The following AKNAD1 variants were observed in gnomAD, a reference collection of about 807,000 sequenced individuals.
AKNAD1 encodes protein AKNAD1.
In AKNAD1, 67 loss-of-function variants were observed where a neutral mutation model predicts 90.8. The observed-to-expected ratio is 0.74, with a 90% CI of 0.61 to 0.90. The LOEUF (loss-of-function observed/expected upper bound fraction) is 0.90. Among genes scored for constraint, AKNAD1 ranks in the 40% least tolerant of loss-of-function variants. The pLI, the probability that AKNAD1 is intolerant of heterozygous loss-of-function variation, is 0.00. For synonymous variants in AKNAD1, 327 were observed against 341.4 expected (o/e 0.96, Z 0.46); for missense variants, 957 against 975.4 (o/e 0.98, Z 0.25).
At chr1:108,847,389 A>C (rs1242314377) in intron 5 of AKNAD1, among the ~76,000 whole-genome samples, 3 of 151,140 alleles carry the variant, frequency 2.0e-5, no homozygotes, top group Non-Finnish European at 4.4e-5. Flanking sequence ...TGGAAGTTGC[A>C]GTGAGCTGAG....
At position 108,817,123 on chromosome 1, in the gene AKNAD1, G is replaced by T; in HGVS notation, c.2304C>A (p.Pro768=). Reference sequence around the variant, plus strand: ...CAGAAATCCTGCAGGAGTAGAAATGGGGTGAGGGTGTTGCAGGGTCTGAGC... The same window carrying T: ...CAGAAATCCTGCAGGAGTAGAAATGTGGTGAGGGTGTTGCAGGGTCTGAGC... ...TYSSDPATPS[P]HFYSCRISGS... Residue 768 remains proline, a synonymous_variant, in exon 15 of 16, where the codon CCC becomes CCA. Coordinates refer to ENST00000370001, the MANE Select transcript of AKNAD1 (RefSeq NM_152763.5). The T allele has an allele frequency of 1.9e-6, 3 of 1,614,130 alleles. No individual in the cohort carries two copies. The highest frequency in any genetic ancestry group is 2.5e-6 in the Non-Finnish European group (3 of 1,179,996).
At chr1:108,827,813 C>CAAAAAAAAAAAAA (rs11369356) in intron 10 of AKNAD1, among the ~76,000 whole-genome samples, 1 of 115,128 alleles carries the variant, frequency 8.7e-6, no homozygotes, top group African/African-American at 3.2e-5. Flanking sequence ...GACTCCTACT[C>CAAAAAAAAAAAAA]AAAAAAAAAA....
rs113299899 is a variant in AKNAD1, at chr1:108,816,275, G to C, written c.2407C>G (p.Leu803Val). 2.4e-4 allele frequency: 385 copies of C among 1,613,266 alleles called. 1 individual carries two copies. In the African/African-American group the frequency reaches 4.0e-3, roughly 17 times the overall value. The stretch of plus-strand genomic sequence containing the variant: ...TCTTTCAAAATGGTTGCTGTCCTTA[G>C]GGCATGATCCAAAGCCGAGTTTAAA... The part of the protein sequence containing the change: ...EILNSALDHA[L>V]RTATILKETT... Residue 803 changes from leucine to valine, a missense_variant, in exon 16 of 16, where the codon CTA becomes GTA. Coordinates refer to ENST00000370001, the MANE Select transcript of AKNAD1 (RefSeq NM_152763.5).
chr1:108,825,617 T>C (rs551060293), intron 11 of AKNAD1, among the ~76,000 whole-genome samples: 5 of 151,674 alleles, frequency 3.3e-5, no homozygotes, highest in South Asian at 2.1e-4. Flanking sequence ...TCCCCCCTCA[T>C]TGGAGAACAG....
intron 5 of AKNAD1, 141 bp downstream of exon 5, chr1:108,848,611 C>T: frequency 1.4e-6 from 1 of 726,238 alleles, no homozygotes; most frequent in Non-Finnish European, 2.2e-6. Context: ...TTTTAGCCCC[C>T]ATAAACAAAG....
intron 1 of AKNAD1, among the ~76,000 whole-genome samples, chr1:108,853,110 T>C (rs1490684726): frequency 6.6e-6 from 1 of 151,742 alleles, no homozygotes; most frequent in Non-Finnish European, 1.5e-5. Context: ...GGGATGCAAG[T>C]AAAGGATTGA....
At chr1:108,827,780 C>G (rs1664055138) in intron 10 of AKNAD1, among the ~76,000 whole-genome samples, 1 of 147,320 alleles carries the variant, frequency 6.8e-6, no homozygotes, top group South Asian at 2.2e-4. Context: ...CGCCACTGCA[C>G]TCCAGCCTGG....
At chr1:108,832,211 C>CT (rs35868464) in intron 9 of AKNAD1, among the ~76,000 whole-genome samples, 10,357 of 91,806 alleles carry the variant, frequency 0.11, 1,033 homozygotes, top group African/African-American at 0.17. Flanking sequence ...ATGCTGTGTT[C>CT]TTTTTTTTTT....
rs946242 is a variant in AKNAD1 at position 108,834,431 on chromosome 1, G to A, written c.1746+16C>T. On this transcript the variant is annotated intron_variant, in intron 9 of 15. Transcript: ENST00000370001. ...AATGAGAAGAACCCAGCCAGGCCCC[G>A]GCTGCAGGACATTACCCCAGAGTTA... The A allele has an allele frequency of 0.046, 73,806 of 1,596,106 alleles. 1,988 individuals carry two copies. The highest frequency in any genetic ancestry group is 0.054 in the Non-Finnish European group (62,898 of 1,170,586).
At chr1:108,821,009 C>T (rs1456495633) in intron 13 of AKNAD1, among the ~76,000 whole-genome samples, 1 of 152,148 alleles carries the variant, frequency 6.6e-6, no homozygotes, top group Non-Finnish European at 1.5e-5. Context: ...TTCACTAGAG[C>T]CCAGAAGTTC....
At chr1:108,834,780 C>G in intron 8 of AKNAD1, 149 bp downstream of exon 8, 1 of 1,269,100 alleles carries the variant, frequency 7.9e-7, no homozygotes, top group Non-Finnish European at 1.1e-6. Context: ...GCTGGTGGGG[C>G]AGGTGAGGAG....
chr1:108,854,977 A>T (rs1172227430), intron 1 of AKNAD1, among the ~76,000 whole-genome samples: 1 of 152,246 alleles, frequency 6.6e-6, no homozygotes, highest in Non-Finnish European at 1.5e-5. Flanking sequence ...GGCACAGAGT[A>T]AGAATTCCAT....
At chr1:108,825,611 C>T (rs1165036513) in intron 11 of AKNAD1, among the ~76,000 whole-genome samples, 2 of 151,488 alleles carry the variant, frequency 1.3e-5, no homozygotes, top group African/African-American at 4.8e-5. Context: ...TGAAAATCCC[C>T]CCTCATTGGA....
chr1:108,847,289 A>G lies in AKNAD1; in HGVS notation c.1245+1463T>C, dbSNP rs928328469. 3.3e-5 allele frequency among the ~76,000 whole-genome samples: 5 copies of G among 152,144 alleles called. No individual in the cohort carries two copies. The East Asian group carries it at 9.7e-4, about 30-fold the overall frequency. The stretch of plus-strand genomic sequence containing the variant: ...ATGGTGAAACCCCGTCTCTACTAAA[A>G]ATACAAAAATTAGCCAGGCACGGTG... On this transcript the variant is annotated intron_variant, in intron 5 of 15. Transcript: ENST00000370001.
intron 15 of AKNAD1, 152 bp from the exon 16 acceptor site, chr1:108,816,454 T>C: frequency 4.0e-6 from 3 of 746,176 alleles, no homozygotes; most frequent in Non-Finnish European, 6.1e-6. Context: ...GTTGGTTTCC[T>C]AGGAGACCAG....
At chr1:108,834,906 G>A (rs772521527) in intron 8 of AKNAD1, 23 bp downstream of exon 8, 2 of 1,513,272 alleles carry the variant, frequency 1.3e-6, no homozygotes, top group Non-Finnish European at 1.8e-6. Flanking sequence ...TGTGTCTGCT[G>A]GGGCTCCAGG....
intron 2 of AKNAD1, among the ~76,000 whole-genome samples, chr1:108,850,093 A>C (rs10776762): frequency 0.13 from 20,444 of 152,120 alleles, 1,984 homozygotes; most frequent in African/African-American, 0.27. Flanking sequence ...TTAAGTTCCA[A>C]ACTGTGTGTC....
At chr1:108,852,827 C>A in intron 1 of AKNAD1, 60 bp from the exon 2 acceptor site, 3 of 555,876 alleles carry the variant, frequency 5.4e-6, no homozygotes, top group Non-Finnish European at 5.6e-6. Context: ...TACAACTATG[C>A]CAGAACAAAG....
chr1:108,829,524 G>A (rs1194921034), intron 10 of AKNAD1, among the ~76,000 whole-genome samples: 1 of 152,202 alleles, frequency 6.6e-6, no homozygotes, highest in Non-Finnish European at 1.5e-5. Flanking sequence ...CTTCATGAGT[G>A]CCCCTTGGAT....
Sources: gnomAD v4.1 joint callset for allele counts (sites outside exome capture counted in the v4.1 genomes callset) on GRCh38, gnomAD v4.1.1 for gene constraint, MANE v1.5 for transcripts, NCBI Gene and HGNC (gene_info 2026-07-23, HGNC 2026-07-21) for gene names.